The following RIMS1 variants were observed in gnomAD, a reference collection of about 807,000 sequenced individuals.
The protein encoded by RIMS1 is regulating synaptic membrane exocytosis protein 1.
Under a neutral mutation model 214.1 loss-of-function variants are expected in RIMS1, and 83 were observed. That is an observed-to-expected ratio of 0.39 (90% CI 0.32 to 0.47). The LOEUF is 0.47. RIMS1 is among the 20% of genes least tolerant of loss of function. The probability of loss-of-function intolerance (pLI) is 0.99; values close to 1 mark genes in which losing one functional copy is unlikely to be tolerated. For synonymous variants in RIMS1, 793 were observed against 786.8 expected (o/e 1.01, Z -0.13); for missense variants, 2,050 against 2,161.8 (o/e 0.95, Z 1.03).
chr6:72,087,161 A>G (rs1193077305), intron 2 of RIMS1, among the ~76,000 whole-genome samples: 1 of 152,218 alleles, frequency 6.6e-6, no homozygotes, highest in Non-Finnish European at 1.5e-5. Context: ...AAAAGATATT[A>G]AAAATAAAAA....
At chr6:72,187,479 G>GTTTTTTTTTTTT (rs61420518) in intron 6 of RIMS1, among the ~76,000 whole-genome samples, 4 of 125,616 alleles carry the variant, frequency 3.2e-5, no homozygotes, top group African/African-American at 3.0e-5. Context: ...TATCCTTTTT[G>GTTTTTTTTTTTT]TTTTTTTTTT....
chr6:72,366,721 A>G lies in RIMS1; in HGVS notation c.4367-23877A>G, dbSNP rs574047381. On this transcript the variant is annotated intron_variant, in intron 29 of 33. Transcript: ENST00000521978. ...GGAGGAGAGAGAATGGGAGAGAGAC[A>G]GAGAAGACAGTTCACAGGCAGCTCA... 12 of 985,900 alleles carry G rather than the reference A, an allele frequency of 1.2e-5. No individual in the cohort carries two copies. The South Asian group carries it at 3.8e-4, about 31-fold the overall frequency. The allele number at this position is 985,900 out of a possible 1,614,324, so 61.1% of individuals were successfully genotyped here. A position where few individuals can be genotyped will look rare whatever the true frequency, so the allele number is the denominator to read the frequency against.
intron 2 of RIMS1, among the ~76,000 whole-genome samples, chr6:72,028,894 C>A (rs1817296701): frequency 6.6e-6 from 1 of 152,118 alleles, no homozygotes; most frequent in Admixed American, 6.6e-5. Context: ...TTCTGCAGAA[C>A]CAGTTGGACA....
intron 2 of RIMS1, among the ~76,000 whole-genome samples, chr6:72,079,934 G>A (rs1296172322): frequency 1.4e-5 from 2 of 146,362 alleles, no homozygotes; most frequent in Admixed American, 6.8e-5. Context: ...CCTGACAATC[G>A]TTTTTTTAAA....
intron 2 of RIMS1, among the ~76,000 whole-genome samples, chr6:72,010,985 G>A (rs1584853423): frequency 6.6e-6 from 1 of 150,628 alleles, no homozygotes; most frequent in African/African-American, 2.4e-5. Flanking sequence ...CTACTTTAAA[G>A]TTCATATGGA....
intron 2 of RIMS1, among the ~76,000 whole-genome samples, chr6:72,048,939 G>C (rs180769916): frequency 3.9e-5 from 6 of 152,296 alleles, no homozygotes; most frequent in African/African-American, 1.4e-4. Context: ...AGGTGAGACA[G>C]GGAAGAAAAG....
chr6:72,242,448 AAAAACTT>A lies in RIMS1; in HGVS notation c.2081+13_2081+19del. 1 of 1,530,454 alleles carries A rather than the reference AAAAACTT, an allele frequency of 6.5e-7. No homozygotes were observed. Among genetic ancestry groups the A allele is most frequent in the Non-Finnish European group, 8.8e-7 (1 of 1,137,542 alleles). The allele number at this position is 1,530,454 out of a possible 1,614,324, so 94.8% of individuals were successfully genotyped here. A position where few individuals can be genotyped will look rare whatever the true frequency, so the allele number is the denominator to read the frequency against. On this transcript the variant is annotated intron_variant, in intron 10 of 33. Transcript: ENST00000521978. ...TTCAAGGCCTATTGGGTAAGGCTAA[AAAAACTT>A]ACTTCTTAAGTTTAGTAAATTACAT...
chr6:72,188,103 A>G (rs1441664418), intron 6 of RIMS1, among the ~76,000 whole-genome samples: 2 of 152,182 alleles, frequency 1.3e-5, no homozygotes, highest in Admixed American at 1.3e-4. Flanking sequence ...CTGGGAACTG[A>G]TGAGATTGTT....
At chr6:72,322,783 C>T (rs971884404) in intron 28 of RIMS1, among the ~76,000 whole-genome samples, 5 of 152,060 alleles carry the variant, frequency 3.3e-5, no homozygotes. Context: ...AAGCAGAGAG[C>T]AGTGTTCTTA....
At chr6:72,027,755 C>T (rs1048828272) in intron 2 of RIMS1, among the ~76,000 whole-genome samples, 2 of 151,804 alleles carry the variant, frequency 1.3e-5, no homozygotes, top group African/African-American at 4.8e-5. Context: ...ACAACAGTTT[C>T]AATTTTTATG....
intron 19 of RIMS1, chr6:72,263,271 T>C: frequency 1.0e-6 from 1 of 985,314 alleles, no homozygotes; most frequent in Non-Finnish European, 1.2e-6. Flanking sequence ...TCCCAACCTT[T>C]TTTTAGTAAA....
At chr6:72,316,643 G>T in intron 28 of RIMS1, 1 of 509,140 alleles carries the variant, frequency 2.0e-6, no homozygotes, top group South Asian at 1.7e-5. Context: ...GGAGCCACCA[G>T]GTCCCAAGCA....
intron 2 of RIMS1, among the ~76,000 whole-genome samples, chr6:71,985,301 G>A (rs1799614984): frequency 6.6e-6 from 1 of 152,130 alleles, no homozygotes. Context: ...TGCGGTGGGA[G>A]GGCCACTTGA....
At chr6:72,343,343 GTTTAGTTTGACTCT>G (rs1303525013) in intron 29 of RIMS1, among the ~76,000 whole-genome samples, 1 of 150,898 alleles carries the variant, frequency 6.6e-6, no homozygotes, top group African/African-American at 2.4e-5. Context: ...GCTATTTACT[GTTTAGTTTGACTCT>G]TTTTAGCATG....
At chr6:72,041,134 C>T (rs576447238) in intron 2 of RIMS1, among the ~76,000 whole-genome samples, 1 of 151,898 alleles carries the variant, frequency 6.6e-6, no homozygotes, top group East Asian at 1.9e-4. Context: ...TCCAGATGGG[C>T]TTTATGCACA....
Position 71,886,872 on chromosome 6 carries a change from T to TGCTGCTGCTGCTGCCGCCGCC in RIMS1, c.-149_-129dup. 4 of 763,508 alleles carry TGCTGCTGCTGCTGCCGCCGCC rather than the reference T, an allele frequency of 5.2e-6. No individual in the cohort carries two copies. The highest frequency in any genetic ancestry group is 6.6e-4 in the Middle Eastern group (2 of 3,040). 47.3% of individuals were successfully genotyped at this position (763,508 alleles called of 1,614,324 possible). ...GGGTTCTCGCTCTCCCCGGCTCTGCTGCTGCTGCTGCTGCCGCCGCCGCCG... is the reference window on the plus strand; with the variant it reads ...GGGTTCTCGCTCTCCCCGGCTCTGCTGCTGCTGCTGCTGCCGCCGCCGCTGCTGCTGCTGCCGCCGCCGCCG... On this transcript the variant is annotated 5_prime_UTR_variant, in exon 1 of 34. Transcript: ENST00000521978.
chr6:72,047,248 A>G (rs542341551), intron 2 of RIMS1, among the ~76,000 whole-genome samples: 14 of 152,326 alleles, frequency 9.2e-5, no homozygotes, highest in African/African-American at 3.1e-4. Flanking sequence ...CTCATCAGAC[A>G]TAACTACTTA....
intron 29 of RIMS1, among the ~76,000 whole-genome samples, chr6:72,351,174 C>T (rs1022750444): frequency 2.0e-5 from 3 of 151,414 alleles, no homozygotes; most frequent in Admixed American, 1.3e-4. Context: ...TAGTTGTATC[C>T]TACTCACCTC....
chr6:72,374,349 G>A (rs2098313635), intron 29 of RIMS1, among the ~76,000 whole-genome samples: 1 of 152,202 alleles, frequency 6.6e-6, no homozygotes, highest in Non-Finnish European at 1.5e-5. Context: ...TCTAACCACA[G>A]TCAGTGGAAA....
Sources: allele counts gnomAD v4.1 joint callset (sites outside exome capture counted in the v4.1 genomes callset), GRCh38; gene constraint gnomAD v4.1.1; transcripts MANE v1.5; gene names NCBI Gene and HGNC (gene_info 2026-07-23, HGNC 2026-07-21).